ADAMTS16: variants seen among roughly 807,000 people sequenced by gnomAD.
ADAMTS16 encodes A disintegrin and metalloproteinase with thrombospondin motifs 16.
In ADAMTS16, 94 loss-of-function variants were observed where a neutral mutation model predicts 145.8. The observed-to-expected ratio is 0.64, with a 90% CI of 0.55 to 0.77. The LOEUF (loss-of-function observed/expected upper bound fraction) is 0.77, where lower values mean the gene tolerates loss of function less well. ADAMTS16 is among the 30% of genes least tolerant of loss of function. The probability of loss-of-function intolerance (pLI) is 0.00; values close to 1 mark genes in which losing one functional copy is unlikely to be tolerated. For synonymous variants in ADAMTS16, 659 were observed against 604.3 expected, an observed-to-expected ratio of 1.09 and a Z score of -1.33; for missense variants, 1,585 against 1,591.5, an observed-to-expected ratio of 1.00 and a Z score of 0.07.
intron 21 of ADAMTS16, among the ~76,000 whole-genome samples, chr5:5,315,323 T>C (rs1447062268): frequency 6.6e-6 from 1 of 152,158 alleles, no homozygotes; most frequent in East Asian, 1.9e-4. Context: ...GGAACTACAG[T>C]TCAAGATGTG....
intron 8 of ADAMTS16, among the ~76,000 whole-genome samples, chr5:5,199,859 C>A (rs1392728438): frequency 6.6e-6 from 1 of 152,156 alleles, no homozygotes; most frequent in Non-Finnish European, 1.5e-5. Context: ...GATCCCAAGT[C>A]CCTCCACCCC....
chr5:5,216,564 C>G (rs1736446646), intron 10 of ADAMTS16, among the ~76,000 whole-genome samples: 1 of 151,032 alleles, frequency 6.6e-6, no homozygotes, highest in Non-Finnish European at 1.5e-5. Flanking sequence ...GTTTTTATTG[C>G]ATTTGCTTTT....
chr5:5,295,183 T>A (rs1217652931), intron 18 of ADAMTS16, among the ~76,000 whole-genome samples: 1 of 152,220 alleles, frequency 6.6e-6, no homozygotes, highest in African/African-American at 2.4e-5. Context: ...AATTTCCAGT[T>A]TGAGTTTCTT....
chr5:5,140,749 G>C lies in ADAMTS16; in HGVS notation c.158G>C (p.Gly53Ala), dbSNP rs752759508. The stretch of plus-strand genomic sequence containing the variant: ...CCTCCTCCACCCGCGGAGCGGCCGG[G>C]CTGGATGGAAAAGGGCGGTAAGTCC... The part of the protein sequence containing the change: ...PRPPPPAERP[G>A]WMEKGEYDLV... The change falls in exon 2 of 23, where the codon GGC (glycine) becomes GCC (alanine). Residue 53 changes from glycine to alanine, a missense_variant. By Grantham distance (60) the Gly-to-Ala change is moderately conservative. This residue lies in a region of ADAMTS16 where 453 missense variants were observed against 412.1 expected (regional missense o/e 1.10). Coordinates refer to ENST00000274181, the MANE Select transcript of ADAMTS16 (RefSeq NM_139056.4). The C allele has an allele frequency of 6.4e-7, 1 of 1,566,012 alleles. No individual in the cohort carries two copies. Among genetic ancestry groups the C allele is most frequent in the East Asian group, 2.3e-5 (1 of 43,088 alleles).
In ADAMTS16 at chr5:5,151,408, T is replaced by C. The variant is rs12514844; in HGVS notation, c.501+4953T>C. 9.5e-3 allele frequency among the ~76,000 whole-genome samples: 1,444 copies of C among 151,892 alleles called. 14 individuals carry two copies. Among genetic ancestry groups the C allele is most frequent in the Non-Finnish European group, 0.015 (1,030 of 67,950 alleles). On this transcript the variant is annotated intron_variant, in intron 3 of 22. Transcript: ENST00000274181. Reference sequence around the variant, plus strand: ...TGCACACCACCATGCCCAGCAAATTTTTTGTGTCTTTAGTAGAGATGGGGT... The same window carrying C: ...TGCACACCACCATGCCCAGCAAATTCTTTGTGTCTTTAGTAGAGATGGGGT...
At chr5:5,198,024 A>T (rs754442843) in intron 8 of ADAMTS16, among the ~76,000 whole-genome samples, 3 of 152,206 alleles carry the variant, frequency 2.0e-5, no homozygotes, top group Non-Finnish European at 2.9e-5. Flanking sequence ...ACTAGAAAAA[A>T]ATCATTGAAA....
chr5:5,311,595 G>A (rs1740445421), intron 21 of ADAMTS16, among the ~76,000 whole-genome samples: 1 of 150,440 alleles, frequency 6.6e-6, no homozygotes, highest in Admixed American at 6.6e-5. Flanking sequence ...TCACCAGGCT[G>A]GAGTGCAGTG....
At chr5:5,233,192 G>T (rs999689360) in intron 12 of ADAMTS16, among the ~76,000 whole-genome samples, 7 of 140,594 alleles carry the variant, frequency 5.0e-5, no homozygotes, top group Admixed American at 1.5e-4. Context: ...GGTTTTACGT[G>T]GAAAAAAGCA....
intron 10 of ADAMTS16, among the ~76,000 whole-genome samples, chr5:5,216,672 T>C (rs893230538): frequency 6.7e-6 from 1 of 150,174 alleles, no homozygotes; most frequent in African/African-American, 2.5e-5. Context: ...TAGTTACATA[T>C]GTATACATGT....
At chr5:5,247,764 G>C (rs4277879) in intron 17 of ADAMTS16, among the ~76,000 whole-genome samples, 4 of 152,242 alleles carry the variant, frequency 2.6e-5, no homozygotes, top group Non-Finnish European at 4.4e-5. Context: ...CTTTGCCATT[G>C]ACAAGTCAAG....
intron 18 of ADAMTS16, among the ~76,000 whole-genome samples, chr5:5,300,387 A>T (rs945654894): frequency 6.6e-6 from 1 of 152,064 alleles, no homozygotes; most frequent in Non-Finnish European, 1.5e-5. Context: ...CTTAACATGG[A>T]ATTAAAAAAA....
At chr5:5,172,152 T>G (rs1217346255) in intron 3 of ADAMTS16, among the ~76,000 whole-genome samples, 1 of 152,094 alleles carries the variant, frequency 6.6e-6, no homozygotes, top group African/African-American at 2.4e-5. Flanking sequence ...TTTTTCTTAG[T>G]CTAGCTAAAG....
intron 18 of ADAMTS16, among the ~76,000 whole-genome samples, chr5:5,293,760 A>G (rs1476880913): frequency 6.6e-6 from 1 of 152,264 alleles, no homozygotes; most frequent in African/African-American, 2.4e-5. Flanking sequence ...TTGGTAAAAA[A>G]GCAACCAGTA....
At chr5:5,281,841 G>A (rs770002183) in intron 18 of ADAMTS16, among the ~76,000 whole-genome samples, 13 of 152,216 alleles carry the variant, frequency 8.5e-5, no homozygotes, top group South Asian at 4.2e-4. Context: ...TTAATTTTTC[G>A]TGTGTGTATG....
chr5:5,280,750 T>C (rs2964386), intron 18 of ADAMTS16, among the ~76,000 whole-genome samples: 128,616 of 152,242 alleles, frequency 0.84, 54,804 homozygotes, highest in Non-Finnish European at 0.89. Context: ...CAATAATAAA[T>C]TGAAGTTAAA....
chr5:5,222,627 C>A (rs1736639813), intron 10 of ADAMTS16, among the ~76,000 whole-genome samples, 162 bp from the exon 11 acceptor site: 1 of 152,150 alleles, frequency 6.6e-6, no homozygotes. Flanking sequence ...GAGCATGAGT[C>A]TCCTTACACC....
intron 12 of ADAMTS16, among the ~76,000 whole-genome samples, chr5:5,234,421 C>G (rs1737032116): frequency 6.6e-6 from 1 of 152,182 alleles, no homozygotes; most frequent in Admixed American, 6.5e-5. Context: ...TGAGGACAGC[C>G]CTGCCCACCC....
intron 18 of ADAMTS16, among the ~76,000 whole-genome samples, chr5:5,296,669 T>C (rs1739544183): frequency 6.6e-6 from 1 of 152,150 alleles, no homozygotes; most frequent in Non-Finnish European, 1.5e-5. Context: ...TTCTGGTTCA[T>C]ACAGAACAGG....
At chr5:5,152,119 C>A (rs1734481641) in intron 3 of ADAMTS16, among the ~76,000 whole-genome samples, 2 of 152,204 alleles carry the variant, frequency 1.3e-5, no homozygotes, top group African/African-American at 4.8e-5. Context: ...TTTGACAATG[C>A]CCTTAGGCAT....
Sources: gnomAD v4.1 joint callset for allele counts (sites outside exome capture counted in the v4.1 genomes callset) on GRCh38, gnomAD v4.1.1 for gene constraint, gnomAD v4.1.1 regional missense constraint, MANE v1.5 for transcripts, NCBI Gene and HGNC (gene_info 2026-07-23, HGNC 2026-07-21) for gene names.